The following GALNT16 variants were observed in gnomAD, a reference collection of about 807,000 sequenced individuals.
GALNT16 encodes the protein polypeptide N-acetylgalactosaminyltransferase 16, also known as UDP-GalNAc:polypeptide N-acetylgalactosaminyltransferase-like protein 1.
In GALNT16, 40 loss-of-function variants were observed where a neutral mutation model predicts 76.1. The observed-to-expected ratio is 0.53, with a 90% CI of 0.41 to 0.68. The LOEUF (loss-of-function observed/expected upper bound fraction) is 0.68. GALNT16 is among the 30% of genes least tolerant of loss of function. The pLI is 0.00. For synonymous variants in GALNT16, 276 were observed against 285.2 expected, an observed-to-expected ratio of 0.97 and a Z score of 0.32; for missense variants, 621 against 731.9, an observed-to-expected ratio of 0.85 and a Z score of 1.75.
intron 6 of GALNT16, among the ~76,000 whole-genome samples, chr14:69,330,946 C>T (rs2045344912): frequency 6.6e-6 from 1 of 152,162 alleles, no homozygotes; most frequent in African/African-American, 2.4e-5. Context: ...GGATAGCACC[C>T]AGATTACATG....
chr14:69,311,094 A>G (rs1163503778), intron 1 of GALNT16, among the ~76,000 whole-genome samples: 2 of 152,194 alleles, frequency 1.3e-5, no homozygotes, highest in African/African-American at 4.8e-5. Context: ...CTGTAACAGA[A>G]TATCACAGCC....
At chr14:69,364,226 G>T in the GALNT16 span, among the ~76,000 whole-genome samples, 1 of 152,144 alleles carries the variant, frequency 6.6e-6, no homozygotes, top group Non-Finnish European at 1.5e-5. This position sits in a 1 kb window ranked among gnomAD's most constrained non-coding sequence, Gnocchi z 4.2. Context: ...TTTGTTCTCG[G>T]CTTCCTCTTT....
intron 1 of GALNT16, among the ~76,000 whole-genome samples, chr14:69,270,661 G>A (rs1425942798): frequency 6.6e-6 from 1 of 152,184 alleles, no homozygotes; most frequent in Non-Finnish European, 1.5e-5. Flanking sequence ...CTGGATCAGC[G>A]GTCCGTTCCA....
chr14:69,315,809 TA>T (rs1041733568), intron 1 of GALNT16, among the ~76,000 whole-genome samples: 153 of 149,350 alleles, frequency 1.0e-3, no homozygotes, highest in Admixed American at 4.8e-3. Flanking sequence ...AATCAGTTTT[TA>T]AAAAAAAAAA....
intron 10 of GALNT16, 84 bp from the exon 11 acceptor site, chr14:69,339,443 T>C: frequency 1.2e-6 from 1 of 838,072 alleles, no homozygotes. Context: ...TCGTCCTGTA[T>C]TCATGGATCG....
chr14:69,371,280 GTC>G, the GALNT16 span, among the ~76,000 whole-genome samples: 2 of 151,812 alleles, frequency 1.3e-5, no homozygotes, highest in African/African-American at 4.8e-5. Flanking sequence ...TTGAGATGGA[GTC>G]TCACTCTGTC....
In GALNT16 at chr14:69,352,177, C is replaced by G. The variant is rs1455637801; in HGVS notation, c.*9C>G. 2 of 1,599,930 alleles carry G rather than the reference C, an allele frequency of 1.3e-6. No homozygotes were observed. The highest frequency in any genetic ancestry group is 1.7e-6 in the Non-Finnish European group (2 of 1,172,332). ...TGTTGCCACACACATGACGGTAGCC[C>G]TGGGGCCTCCTGTACCTTTTGCATG... On this transcript the variant is annotated 3_prime_UTR_variant, in exon 15 of 15. Coordinates refer to ENST00000448469, the MANE Select transcript of GALNT16 (RefSeq NM_001168368.2).
the GALNT16 span, among the ~76,000 whole-genome samples, chr14:69,376,511 T>C: frequency 1.3e-5 from 2 of 152,168 alleles, no homozygotes; most frequent in Non-Finnish European, 2.9e-5. Flanking sequence ...CTGAGGTTAA[T>C]CATTCCATCA....
At chr14:69,281,842 TG>T in intron 1 of GALNT16, among the ~76,000 whole-genome samples, 1 of 152,136 alleles carries the variant, frequency 6.6e-6, no homozygotes, top group Admixed American at 6.5e-5. Flanking sequence ...TGCCCGAGGG[TG>T]GGTGCTGGGT....
At chr14:69,325,679 C>G (rs927981737) in intron 4 of GALNT16, among the ~76,000 whole-genome samples, 7 of 152,222 alleles carry the variant, frequency 4.6e-5, no homozygotes, top group Non-Finnish European at 1.0e-4. Flanking sequence ...ATTATTACAA[C>G]TGCCAAATGC....
rs1276371472 is a variant in GALNT16, at chr14:69,320,773, G to A, written c.240G>A (p.Lys80=). Residue 80 remains lysine (K), a synonymous_variant, in exon 2 of 15, where the codon AAG becomes AAA. Transcript: ENST00000448469. ...EKAYLSAKQL[K]AGEDPYRQHA... Reference sequence around the variant, plus strand: ...CCTACCTGTCGGCCAAGCAGCTGAAGGCTGGAGAGGACCCCTACAGACAGC... The same window carrying A: ...CCTACCTGTCGGCCAAGCAGCTGAAAGCTGGAGAGGACCCCTACAGACAGC... 22 of 1,614,210 alleles carry A rather than the reference G, an allele frequency of 1.4e-5. No homozygotes were observed. Among genetic ancestry groups the A allele is most frequent in the Non-Finnish European group, 1.9e-5 (22 of 1,180,030 alleles).
the GALNT16 span, among the ~76,000 whole-genome samples, chr14:69,364,575 C>T: frequency 1.3e-5 from 2 of 152,102 alleles, no homozygotes; most frequent in South Asian, 2.1e-4. This position sits in a 1 kb window ranked among gnomAD's most constrained non-coding sequence, Gnocchi z 4.2. Flanking sequence ...GTCCAACAGT[C>T]GTCTTCTTCA....
At chr14:69,323,409 G>T (rs916213107) in intron 2 of GALNT16, among the ~76,000 whole-genome samples, 1 of 152,224 alleles carries the variant, frequency 6.6e-6, no homozygotes, top group Non-Finnish European at 1.5e-5. Flanking sequence ...TTCAGATGGG[G>T]TGTGGGTGGG....
chr14:69,343,384 C>G (rs1490677502), intron 12 of GALNT16, among the ~76,000 whole-genome samples: 2 of 152,196 alleles, frequency 1.3e-5, no homozygotes, highest in Admixed American at 6.5e-5. Context: ...AATCCCAGGT[C>G]CCAAATACAG....
At chr14:69,326,530 G>A (rs1594853615) in intron 5 of GALNT16, among the ~76,000 whole-genome samples, 1 of 152,146 alleles carries the variant, frequency 6.6e-6, no homozygotes. Context: ...GGCTGGCTGT[G>A]GTTGTGTATG....
Position 69,352,467 on chromosome 14 carries a change from G to A in GALNT16, c.*299G>A, listed in dbSNP as rs1320194733. On this transcript the variant is annotated 3_prime_UTR_variant, in exon 15 of 15. Transcript: ENST00000448469. ...CTGGCCCTTTGTCCTCTCCCTTGGC[G>A]CTTCTTGGGGCTGGGACAATAGTGT... is the stretch of plus-strand genomic sequence containing the variant. 1.9e-5 allele frequency: 6 copies of A among 314,892 alleles called. No individual in the cohort carries two copies. The highest frequency in any genetic ancestry group is 1.2e-4 in the East Asian group (2 of 16,626). The allele number at this position is 314,892 out of a possible 1,614,324, so 19.5% of individuals were successfully genotyped here.
downstream of GALNT16, among the ~76,000 whole-genome samples, chr14:69,360,997 C>A (rs1185594434): frequency 6.6e-6 from 1 of 152,224 alleles, no homozygotes; most frequent in Non-Finnish European, 1.5e-5. Flanking sequence ...GGAGAGTGGG[C>A]ACTGGGCTGG....
At chr14:69,358,687 T>G (rs937611705), downstream of GALNT16, 2 of 152,322 alleles carry the variant, frequency 1.3e-5, no homozygotes, top group Non-Finnish European at 2.9e-5. Flanking sequence ...ACATGCAAGC[T>G]CTCACACCGG....
intron 1 of GALNT16, among the ~76,000 whole-genome samples, chr14:69,275,895 G>A (rs2044465379): frequency 6.6e-6 from 1 of 152,200 alleles, no homozygotes; most frequent in African/African-American, 2.4e-5. Flanking sequence ...AGGCATACCT[G>A]AGACTGGGCA....
Sources: allele counts gnomAD v4.1 joint callset (sites outside exome capture counted in the v4.1 genomes callset), GRCh38; gene constraint gnomAD v4.1.1; non-coding constraint Gnocchi (gnomAD v3.1); transcripts MANE v1.5; gene names NCBI Gene and HGNC (gene_info 2026-07-23, HGNC 2026-07-21).